The following PLAAT4 variants were observed in gnomAD, a reference collection of about 807,000 sequenced individuals.
PLAAT4 encodes HRAS-like suppressor 4.
In PLAAT4, 12 loss-of-function variants were observed where a neutral mutation model predicts 14.1. The observed-to-expected ratio is 0.85, with a 90% CI of 0.54 to 1.37. The LOEUF is 1.37. PLAAT4 is among the 40% of genes most tolerant of loss of function. The pLI, the probability that PLAAT4 is intolerant of heterozygous loss-of-function variation, is 0.00. For synonymous variants in PLAAT4, 77 were observed against 79.8 expected (o/e 0.96, Z 0.19); for missense variants, 163 against 211.7 (o/e 0.77, Z 1.43).
At chr11:63,537,459 G>A (rs2017280144) in intron 1 of PLAAT4, among the ~76,000 whole-genome samples, 1 of 152,172 alleles carries the variant, frequency 6.6e-6, no homozygotes, top group Non-Finnish European at 1.5e-5. Flanking sequence ...GGAACAGCGG[G>A]GCTCAGGCTA....
At position 63,546,139 on chromosome 11, in the gene PLAAT4, T is replaced by G. The variant is rs377658071; in HGVS notation, c.388-10T>G. ...CCGTGAACGCTCAACAAAAGCTGCT[T>G]GCTTTGCAGGTGGAAAAGGCCAAGG... is the stretch of plus-strand genomic sequence containing the variant. On this transcript the variant is annotated splice_polypyrimidine_tract_variant and intron_variant, in intron 3 of 3. Transcript: ENST00000255688. 5.6e-5 allele frequency: 90 copies of G among 1,611,924 alleles called. No homozygotes were observed. The highest frequency in any genetic ancestry group is 7.3e-5 in the Non-Finnish European group (86 of 1,178,210).
rs564185519 is a variant in PLAAT4, at chr11:63,545,403, C to G, written c.387+514C>G. On this transcript the variant is annotated intron_variant, in intron 3 of 3. Coordinates refer to ENST00000255688, the MANE Select transcript of PLAAT4 (RefSeq NM_004585.5). The stretch of plus-strand genomic sequence containing the variant: ...TAAGTGGCAGAACCGGGATTTGAAC[C>G]CCAGCTGTCCCTTTCTAGAGTCTCT... 1.5e-3 allele frequency: 294 copies of G among 192,910 alleles called. 2 individuals are homozygous for G. Among genetic ancestry groups the G allele is most frequent in the African/African-American group, 5.9e-3 (256 of 43,604 alleles). 11.9% of individuals were successfully genotyped at this position (192,910 alleles called of 1,614,324 possible). A position where few individuals can be genotyped will look rare whatever the true frequency, so the allele number is the denominator to read the frequency against.
intron 1 of PLAAT4, 103 bp downstream of exon 1, chr11:63,536,980 G>C: frequency 7.2e-7 from 1 of 1,379,482 alleles, no homozygotes; most frequent in South Asian, 1.3e-5. Context: ...CACAGCTCCA[G>C]AGCTCGTCTT....
At chr11:63,538,925 T>TG (rs1434084803) in intron 1 of PLAAT4, among the ~76,000 whole-genome samples, 1 of 152,014 alleles carries the variant, frequency 6.6e-6, no homozygotes, top group Non-Finnish European at 1.5e-5. Context: ...TGCTGGGAGC[T>TG]GGGGGGCCCC....
chr11:63,539,554 T>C lies in PLAAT4; in HGVS notation c.48T>C (p.Ile16=). Residue 16 remains isoleucine (I), a synonymous_variant, in exon 2 of 4, where the codon ATT becomes ATC. Coordinates refer to ENST00000255688, the MANE Select transcript of PLAAT4 (RefSeq NM_004585.5). The part of the protein sequence containing the change: ...QEPKPGDLIE[I]FRLGYEHWAL... ...CCAAACCTGGAGACCTGATTGAGAT[T>C]TTCCGCCTTGGCTATGAGCACTGGG... 6.2e-7 allele frequency: 1 copy of C among 1,614,130 alleles called. No individual in the cohort carries two copies. Among genetic ancestry groups the C allele is most frequent in the Non-Finnish European group, 8.5e-7 (1 of 1,179,988 alleles).
chr11:63,540,330 T>C (rs2017311583), intron 2 of PLAAT4, among the ~76,000 whole-genome samples: 1 of 152,268 alleles, frequency 6.6e-6, no homozygotes, highest in East Asian at 1.9e-4. Flanking sequence ...CAACAAGGTG[T>C]CTTGATATTA....
At chr11:63,546,007 A>G (rs1231606625) in intron 3 of PLAAT4, 142 bp from the exon 4 acceptor site, 3 of 729,902 alleles carry the variant, frequency 4.1e-6, no homozygotes, top group Non-Finnish European at 7.2e-6. Context: ...TGAGCCAGCC[A>G]GCTGGGAGAG....
At chr11:63,540,758 G>A (rs751352349) in intron 2 of PLAAT4, among the ~76,000 whole-genome samples, 2 of 152,086 alleles carry the variant, frequency 1.3e-5, no homozygotes, top group African/African-American at 2.4e-5. Context: ...CCTGGGAGAC[G>A]GAGGTTGCAG....
At chr11:63,541,460 G>A (rs1338593184) in intron 2 of PLAAT4, among the ~76,000 whole-genome samples, 1 of 151,628 alleles carries the variant, frequency 6.6e-6, no homozygotes, top group African/African-American at 2.4e-5. Context: ...AAAGTGCTGG[G>A]ATTACAGGCA....
In PLAAT4 at chr11:63,538,973, C is replaced by T. The variant is rs2017298047; in HGVS notation, c.10-543C>T. On this transcript the variant is annotated intron_variant, in intron 1 of 3. Transcript: ENST00000255688. ...TCAGGTCCCAGCAGGATGCTGTGAG[C>T]TCCTGTCTCCCAGGGTGTCATCTCC... 2.0e-5 allele frequency among the ~76,000 whole-genome samples: 3 copies of T among 152,156 alleles called. No individual in the cohort carries two copies. In the South Asian group the frequency reaches 6.2e-4, roughly 32 times the overall value.
At chr11:63,543,891 T>C (rs1191954534) in intron 2 of PLAAT4, among the ~76,000 whole-genome samples, 1 of 152,182 alleles carries the variant, frequency 6.6e-6, no homozygotes, top group African/African-American at 2.4e-5. Context: ...AGCCTGCCCT[T>C]TGGGGCTTAA....
intron 2 of PLAAT4, among the ~76,000 whole-genome samples, chr11:63,541,423 C>G (rs1174416876): frequency 6.6e-6 from 1 of 152,028 alleles, no homozygotes; most frequent in Non-Finnish European, 1.5e-5. Flanking sequence ...ATCTCCTGAC[C>G]TCGTGATCCA....
chr11:63,536,811 T>C lies in PLAAT4; in HGVS notation c.-58T>C. 6.3e-7 allele frequency: 1 copy of C among 1,586,434 alleles called. No individual in the cohort carries two copies. ...GAAAGTGAAAGTGAAATTCTCTCCT[T>C]CAGCATAAAAGCTGATCCACAAACA... On this transcript the variant is annotated 5_prime_UTR_variant, in exon 1 of 4. Transcript: ENST00000255688.
intron 1 of PLAAT4, 71 bp from the exon 2 acceptor site, chr11:63,539,445 A>G (rs1354004699): frequency 4.7e-6 from 6 of 1,270,476 alleles, no homozygotes; most frequent in Non-Finnish European, 6.9e-6. Flanking sequence ...GATGAGCTGC[A>G]GCTCCCCCAG....
rs904701705 is a variant in PLAAT4 at position 63,545,106 on chromosome 11, G to T, written c.387+217G>T. On this transcript the variant is annotated intron_variant, in intron 3 of 3. Coordinates refer to ENST00000255688, the MANE Select transcript of PLAAT4 (RefSeq NM_004585.5). ...CCCAGGCCTCTCCATGTGCAGAGGA[G>T]GGGGTGGATGGAGGAGCTCTGAGGA... 4.7e-6 allele frequency: 3 copies of T among 642,794 alleles called. No individual in the cohort carries two copies. In the African/African-American group the frequency reaches 5.5e-5, roughly 12 times the overall value. The allele number at this position is 642,794 out of a possible 1,614,324, so 39.8% of individuals were successfully genotyped here.
In PLAAT4 at chr11:63,539,609, C is replaced by T; in HGVS notation, c.103C>T (p.His35Tyr). 1.2e-6 allele frequency: 2 copies of T among 1,609,178 alleles called. No homozygotes were observed. The highest frequency in any genetic ancestry group is 1.7e-6 in the Non-Finnish European group (2 of 1,175,602). Residue 35 changes from histidine (H) to tyrosine (Y), a missense_variant, in exon 2 of 4, where the codon CAT becomes TAT. Physicochemically the swap from His to Tyr is moderately conservative, Grantham distance 83 (BLOSUM62 2). Transcript: ENST00000255688. ...ALYIGDGYVIHLAPPSEYPGA... is the reference protein window; with the variant it reads ...ALYIGDGYVIYLAPPSEYPGA... Reference sequence around the variant, plus strand: ...GTATATAGGAGATGGCTACGTGATCCATCTGGCTCCTCCAAGTAAGGACTG... The same window carrying T: ...GTATATAGGAGATGGCTACGTGATCTATCTGGCTCCTCCAAGTAAGGACTG...
At chr11:63,545,702 T>G (rs187150477) in intron 3 of PLAAT4, among the ~76,000 whole-genome samples, 108 of 151,844 alleles carry the variant, frequency 7.1e-4, no homozygotes, top group Non-Finnish European at 1.3e-3. Flanking sequence ...CCTCCCTAAG[T>G]CTCCCCTCAG....
At chr11:63,545,326 C>T (rs190394504) in intron 3 of PLAAT4, 1 of 301,852 alleles carries the variant, frequency 3.3e-6, no homozygotes, top group African/African-American at 2.1e-5. Context: ...CAGCCTCCAT[C>T]CCTTGCCCCT....
chr11:63,541,342 C>T (rs1284674377), intron 2 of PLAAT4, among the ~76,000 whole-genome samples: 2 of 152,100 alleles, frequency 1.3e-5, no homozygotes, highest in Non-Finnish European at 2.9e-5. Context: ...CAGGCGCATG[C>T]CACCACAGCC....
Sources: allele counts gnomAD v4.1 joint callset (sites outside exome capture counted in the v4.1 genomes callset), GRCh38; gene constraint gnomAD v4.1.1; transcripts MANE v1.5; gene names NCBI Gene and HGNC (gene_info 2026-07-23, HGNC 2026-07-21).